Variants in ETV1 observed in about 807,000 individuals in gnomAD.
The protein encoded by ETV1 is ETS translocation variant 1.
ETV1 carries 27 observed loss-of-function variants against 62.3 expected under a neutral mutation model. The ratio of observed to expected loss-of-function variants is 0.43; its 90% confidence interval spans 0.32 to 0.60. The LOEUF (loss-of-function observed/expected upper bound fraction) is 0.60, where lower values mean the gene tolerates loss of function less well. Ranked by LOEUF, ETV1 falls within the 20% of genes least tolerant of loss-of-function variation. ETV1 has a pLI of 0.06. For missense variants in ETV1, 605 were observed against 605.8 expected (o/e 1.00, Z 0.01); for synonymous variants, 222 against 199.6 (o/e 1.11, Z -0.94).
chr7:13,957,308 G>A (rs185078925), intron 6 of ETV1, among the ~76,000 whole-genome samples: 3 of 151,982 alleles, frequency 2.0e-5, no homozygotes, highest in South Asian at 2.1e-4. Context: ...GGATGGTCTC[G>A]ATCTCCTGAC....
intron 9 of ETV1, 69 bp from the exon 10 acceptor site, chr7:13,911,376 G>C (rs1037959780): frequency 1.9e-6 from 2 of 1,040,362 alleles, no homozygotes; most frequent in African/African-American, 3.1e-5. Flanking sequence ...AATGGACAGG[G>C]TGCAGACAGA....
chr7:13,988,901 G>GT (rs1782814090), intron 3 of ETV1, 107 bp downstream of exon 3: 1 of 1,520,650 alleles, frequency 6.6e-7, no homozygotes, highest in Non-Finnish European at 9.0e-7. Flanking sequence ...AAGCAGATAA[G>GT]TATCTGCAAT....
chr7:13,958,030 T>G (rs1241613705), intron 6 of ETV1, among the ~76,000 whole-genome samples: 1 of 152,222 alleles, frequency 6.6e-6, no homozygotes, highest in Non-Finnish European at 1.5e-5. Context: ...CTTCTCCTCT[T>G]ACCATACAAG....
intron 9 of ETV1, among the ~76,000 whole-genome samples, chr7:13,924,827 T>C (rs1473290625): frequency 6.6e-6 from 1 of 152,206 alleles, no homozygotes; most frequent in East Asian, 1.9e-4. Flanking sequence ...AAGTTTGAAG[T>C]AGGTGAACTT....
At chr7:13,914,520 A>G (rs925207186) in intron 9 of ETV1, among the ~76,000 whole-genome samples, 1 of 152,080 alleles carries the variant, frequency 6.6e-6, no homozygotes, top group Non-Finnish European at 1.5e-5. Context: ...GTTAAGAAGA[A>G]TAATAAACTA....
At chr7:13,926,800 A>G (rs1738917044) in intron 9 of ETV1, among the ~76,000 whole-genome samples, 1 of 152,164 alleles carries the variant, frequency 6.6e-6, no homozygotes, top group Non-Finnish European at 1.5e-5. Flanking sequence ...TCATTAAGCT[A>G]GCCCTAAATA....
At chr7:13,915,069 G>C (rs766117286) in intron 9 of ETV1, among the ~76,000 whole-genome samples, 1 of 152,132 alleles carries the variant, frequency 6.6e-6, no homozygotes, top group Non-Finnish European at 1.5e-5. Context: ...TTAAGCATTT[G>C]AATCTCTTAG....
chr7:13,940,131 G>C (rs1318324603), intron 6 of ETV1, among the ~76,000 whole-genome samples: 1 of 152,190 alleles, frequency 6.6e-6, no homozygotes, highest in Non-Finnish European at 1.5e-5. Flanking sequence ...GGGAGGCCGA[G>C]GCAAGTGGAT....
chr7:13,973,058 G>C (rs1350996965), intron 6 of ETV1, among the ~76,000 whole-genome samples: 1 of 152,164 alleles, frequency 6.6e-6, no homozygotes, highest in Non-Finnish European at 1.5e-5. Flanking sequence ...GAAATTTTTA[G>C]AAAGTTCTCA....
intron 8 of ETV1, among the ~76,000 whole-genome samples, chr7:13,934,115 T>C (rs1286159260): frequency 6.6e-6 from 1 of 152,182 alleles, no homozygotes. Context: ...ACAATGTCCA[T>C]CTGTTTAATG....
At chr7:13,988,202 A>G in intron 3 of ETV1, 29 bp from the exon 4 acceptor site, 1 of 1,489,110 alleles carries the variant, frequency 6.7e-7, no homozygotes, top group Non-Finnish European at 9.4e-7. Flanking sequence ...AATCCTTTAA[A>G]AGAATGTAAA....
At chr7:13,916,608 A>G (rs1448537475) in intron 9 of ETV1, among the ~76,000 whole-genome samples, 1 of 152,140 alleles carries the variant, frequency 6.6e-6, no homozygotes, top group Non-Finnish European at 1.5e-5. Flanking sequence ...ACTGCACTCC[A>G]GCTGTGACAG....
rs5882424 is a variant in ETV1 at position 13,977,501 on chromosome 7, TA to T, written c.182-22del. On this transcript the variant is annotated intron_variant, in intron 5 of 13. Transcript: ENST00000430479. Reference sequence around the variant, plus strand: ...CTGAGCTGAAGAAGAAAAAGAAAATTAAAAAAAATTAAGAGAGAAACTGCCA... The same window carrying T: ...CTGAGCTGAAGAAGAAAAAGAAAATTAAAAAAATTAAGAGAGAAACTGCCA... The T allele has an allele frequency of 6.1e-6, 9 of 1,467,074 alleles. No homozygotes were observed. In the South Asian group the frequency reaches 8.8e-5, roughly 14 times the overall value. The allele number at this position is 1,467,074 out of a possible 1,614,324, so 90.9% of individuals were successfully genotyped here.
chr7:13,932,617 T>C (rs1786320103), intron 8 of ETV1, among the ~76,000 whole-genome samples: 1 of 152,200 alleles, frequency 6.6e-6, no homozygotes. Context: ...TTATACTTTA[T>C]AACAATTGGC....
rs1785446223 is a variant in ETV1, at chr7:13,926,542, C to T, written c.802+4960G>A. 3.3e-5 allele frequency among the ~76,000 whole-genome samples: 5 copies of T among 152,224 alleles called. 1 individual carries two copies. Among genetic ancestry groups the T allele is most frequent in the Non-Finnish European group, 1.5e-5 (1 of 68,014 alleles). ...ATACTTTCTACGGGAATCTCCATGA[C>T]GCACTCCAGATGAAGCACTCAATGT... On this transcript the variant is annotated intron_variant, in intron 9 of 13. Transcript: ENST00000430479.
At chr7:13,934,910 C>T (rs1786621094) in intron 8 of ETV1, among the ~76,000 whole-genome samples, 1 of 152,038 alleles carries the variant, frequency 6.6e-6, no homozygotes, top group African/African-American at 2.4e-5. Context: ...TAAACATTTA[C>T]CAGCACGCCA....
In ETV1 at chr7:13,891,629, A is replaced by T. The variant is rs1018874944; in HGVS notation, c.*4237T>A. On this transcript the variant is annotated 3_prime_UTR_variant, in exon 14 of 14. Coordinates refer to ENST00000430479, the MANE Select transcript of ETV1 (RefSeq NM_004956.5). ...CATGTATATAAAAAAAGAAGTCCTA[A>T]AAGTACTAGTTGAGCTCTGAATAAA... 4.3e-6 allele frequency: 1 copy of T among 231,942 alleles called. No individual in the cohort carries two copies. Among genetic ancestry groups the T allele is most frequent in the Admixed American group, 5.6e-5 (1 of 17,750 alleles). The allele number at this position is 231,942 out of a possible 1,614,324, so 14.4% of individuals were successfully genotyped here. A position where few individuals can be genotyped will look rare whatever the true frequency, so the allele number is the denominator to read the frequency against.
chr7:13,962,002 AAC>A (rs1790222622), intron 6 of ETV1, among the ~76,000 whole-genome samples: 1 of 152,090 alleles, frequency 6.6e-6, no homozygotes, highest in Admixed American at 6.5e-5. Flanking sequence ...TATGAAGAAA[AAC>A]ACAAAAAGTT....
intron 6 of ETV1, chr7:13,958,625 T>C (rs1583797706): frequency 6.6e-6 from 1 of 152,154 alleles, no homozygotes; most frequent in African/African-American, 2.4e-5. Context: ...CCGACAATCT[T>C]AGTTTTGGCA....
Sources: allele counts gnomAD v4.1 joint callset (sites outside exome capture counted in the v4.1 genomes callset), GRCh38; gene constraint gnomAD v4.1.1; transcripts MANE v1.5; gene names NCBI Gene and HGNC (gene_info 2026-07-23, HGNC 2026-07-21).